ARFGAP1: variants seen among roughly 807,000 people sequenced by gnomAD.
ARFGAP1 encodes the protein ARF GTPase activating protein 1, also known as ADP-ribosylation factor GTPase-activating protein 1.
In ARFGAP1, 26 loss-of-function variants were observed where a neutral mutation model predicts 54.0. The observed-to-expected ratio is 0.48, with a 90% CI of 0.35 to 0.67. The LOEUF is 0.67. Among genes scored for constraint, ARFGAP1 ranks in the 30% least tolerant of loss-of-function variants. The pLI is 0.00. For synonymous variants in ARFGAP1, 248 were observed against 211.9 expected, an observed-to-expected ratio of 1.17 and a Z score of -1.48; for missense variants, 525 against 535.8, an observed-to-expected ratio of 0.98 and a Z score of 0.20.
At chr20:63,278,561 A>G in intron 6 of ARFGAP1, 2 of 459,928 alleles carry the variant, frequency 4.3e-6, no homozygotes, top group Non-Finnish European at 7.9e-6. Context: ...CTTAGAAGAA[A>G]AGCATAACAC....
intron 1 of ARFGAP1, among the ~76,000 whole-genome samples, chr20:63,274,692 C>T (rs367602728): frequency 2.0e-5 from 3 of 152,288 alleles, no homozygotes; most frequent in Middle Eastern, 3.4e-3. Context: ...ACAGTTTGCT[C>T]GGTGGCGTGG....
rs140093675 is a variant in ARFGAP1, at chr20:63,285,585, C to T, written c.775-69C>T. 2.5e-4 allele frequency: 388 copies of T among 1,534,202 alleles called. 2 individuals carry two copies. The African/African-American group carries it at 4.5e-3, about 18-fold the overall frequency. On this transcript the variant is annotated intron_variant, in intron 10 of 12. Transcript: ENST00000370283. ...TCGGATGCCCTCACCCGGGGGATTC[C>T]TGCACTCCTGAAGCTTTAAGCTTTC...
chr20:63,285,697 C>A lies in ARFGAP1; in HGVS notation c.818C>A (p.Ser273Tyr), dbSNP rs1416859449. 2 of 1,613,660 alleles carry A rather than the reference C, an allele frequency of 1.2e-6. No individual in the cohort carries two copies. The highest frequency in any genetic ancestry group is 1.7e-5 in the Admixed American group (1 of 60,034). ...KIFDDVSSGV[S>Y]QLASKVQGVG... is the part of the protein sequence containing the mutation. Reference sequence around the variant, plus strand: ...TTTGATGATGTCTCCAGTGGGGTCTCTCAGTTGGCGTCCAAGGTAGGGAGC... The same window carrying A: ...TTTGATGATGTCTCCAGTGGGGTCTATCAGTTGGCGTCCAAGGTAGGGAGC... Residue 273 changes from serine to tyrosine, a missense_variant, in exon 11 of 13, where the codon TCT (serine) becomes TAT (tyrosine). This residue lies in a region of ARFGAP1 where 466 missense variants were observed against 453.6 expected (regional missense o/e 1.03). Coordinates refer to ENST00000370283, the MANE Select transcript of ARFGAP1 (RefSeq NM_018209.4).
intron 5 of ARFGAP1, among the ~76,000 whole-genome samples, 189 bp from the exon 6 acceptor site, chr20:63,277,928 G>T (rs2067275587): frequency 6.6e-6 from 1 of 152,220 alleles, no homozygotes; most frequent in South Asian, 2.1e-4. Context: ...CATGAGGCTG[G>T]CATTGCTGGG....
At position 63,288,057 on chromosome 20, in the gene ARFGAP1, C is replaced by A; in HGVS notation, c.*184C>A. The A allele has an allele frequency of 1.4e-6, 1 of 712,206 alleles. No homozygotes were observed. Among genetic ancestry groups the A allele is most frequent in the Non-Finnish European group, 2.3e-6 (1 of 439,072 alleles). 44.1% of individuals were successfully genotyped at this position (712,206 alleles called of 1,614,324 possible). On this transcript the variant is annotated 3_prime_UTR_variant, in exon 13 of 13. Transcript: ENST00000370283. ...GCCTGCGCGTGGGGAGTCTTCGGTG[C>A]GTGGGGGCGGCTTGCTGTCCAGCCT...
chr20:63,281,728 T>C (rs1401905495), intron 8 of ARFGAP1, among the ~76,000 whole-genome samples: 1 of 152,188 alleles, frequency 6.6e-6, no homozygotes, highest in Non-Finnish European at 1.5e-5. Flanking sequence ...TTGAGAGCGA[T>C]TTCTCTCTTT....
At position 63,285,726 on chromosome 20, in the gene ARFGAP1, C is replaced by T. The variant is rs150308319; in HGVS notation, c.834+13C>T. On this transcript the variant is annotated intron_variant, in intron 11 of 12. Transcript: ENST00000370283. ...GTTGGCGTCCAAGGTAGGGAGCCTG[C>T]CAGATACGCGGGCACAGTCGAAGCC... 2.9e-4 allele frequency: 468 copies of T among 1,612,672 alleles called. 4 individuals are homozygous for T. In the African/African-American group the frequency reaches 4.8e-3, roughly 17 times the overall value.
intron 7 of ARFGAP1, chr20:63,279,261 A>G (rs1259712619): frequency 3.6e-6 from 2 of 550,568 alleles, no homozygotes; most frequent in South Asian, 1.6e-5. Context: ...ACTGGAGGGC[A>G]GTGGTGCGAC....
intron 6 of ARFGAP1, chr20:63,278,524 G>A: frequency 6.5e-6 from 3 of 462,388 alleles, no homozygotes. Context: ...GTGAATTGGG[G>A]GTCTTGGGTG....
Position 63,275,445 on chromosome 20 carries a change from C to G in ARFGAP1, c.-4-132C>G, listed in dbSNP as rs1190961881. ...CCCCTGCTGCGAGTGGTCCTGTGAC[C>G]GGGGCTTCCAAGCAGCTCAACAGAT... On this transcript the variant is annotated intron_variant, in intron 1 of 12. Transcript: ENST00000370283. 4 of 819,794 alleles carry G rather than the reference C, an allele frequency of 4.9e-6. No homozygotes were observed. In the East Asian group the frequency reaches 1.1e-4, roughly 22 times the overall value. The allele number at this position is 819,794 out of a possible 1,614,324, so 50.8% of individuals were successfully genotyped here.
At chr20:63,280,238 C>T (rs79810965) in intron 7 of ARFGAP1, among the ~76,000 whole-genome samples, 8,540 of 152,306 alleles carry the variant, frequency 0.056, 322 homozygotes, top group Middle Eastern at 0.11. Flanking sequence ...CGGGAGCTTG[C>T]GCTGAGAGCC....
chr20:63,279,802 T>A (rs1350285049), intron 7 of ARFGAP1, among the ~76,000 whole-genome samples: 1 of 152,174 alleles, frequency 6.6e-6, no homozygotes, highest in East Asian at 1.9e-4. Context: ...CGGGAATACA[T>A]TTTGTTCCAC....
At chr20:63,286,193 G>A in intron 11 of ARFGAP1, 173 bp from the exon 12 acceptor site, 2 of 1,549,414 alleles carry the variant, frequency 1.3e-6, no homozygotes, top group Non-Finnish European at 1.7e-6. Context: ...TGGCACCGCT[G>A]CAGAGTGGCC....
intron 8 of ARFGAP1, among the ~76,000 whole-genome samples, chr20:63,282,254 G>A (rs1438533980): frequency 6.6e-6 from 1 of 152,256 alleles, no homozygotes; most frequent in Non-Finnish European, 1.5e-5. Flanking sequence ...TCAGCTTCTG[G>A]TTCCCGCCAG....
chr20:63,278,692 C>A lies in ARFGAP1; in HGVS notation c.531-207C>A, dbSNP rs532420251. 2.6e-5 allele frequency: 15 copies of A among 573,144 alleles called. No homozygotes were observed. In the South Asian group the frequency reaches 2.8e-4, roughly 11 times the overall value. The allele number at this position is 573,144 out of a possible 1,614,324, so 35.5% of individuals were successfully genotyped here. ...GCTGGCTTTGGGGACTTGCTGGGGA[C>A]CCTGTGGTGATGTGGCAGGAGGGTC... On this transcript the variant is annotated intron_variant, in intron 6 of 12. Coordinates refer to ENST00000370283, the MANE Select transcript of ARFGAP1 (RefSeq NM_018209.4).
intron 11 of ARFGAP1, 35 bp from the exon 12 acceptor site, chr20:63,286,331 G>A: frequency 6.2e-7 from 1 of 1,609,896 alleles, no homozygotes; most frequent in South Asian, 1.1e-5. Context: ...TGCCGCGACA[G>A]GGCCTGCCTA....
At chr20:63,277,807 G>A (rs1003880392) in intron 5 of ARFGAP1, among the ~76,000 whole-genome samples, 2 of 152,224 alleles carry the variant, frequency 1.3e-5, no homozygotes, top group Admixed American at 6.5e-5. Flanking sequence ...TTTGCACTGC[G>A]GGCAACTCCG....
intron 9 of ARFGAP1, chr20:63,284,573 C>T (rs951425593): frequency 3.1e-6 from 4 of 1,287,206 alleles, no homozygotes; most frequent in African/African-American, 3.0e-5. Flanking sequence ...AGGGCCTGTT[C>T]CCACCAGCCC....
At chr20:63,283,994 C>A in intron 9 of ARFGAP1, 1 of 1,523,878 alleles carries the variant, frequency 6.6e-7, no homozygotes, top group Non-Finnish European at 8.9e-7. Flanking sequence ...CATGTGCGCA[C>A]GCTCAGACCC....
Sources: gnomAD v4.1 joint callset for allele counts (sites outside exome capture counted in the v4.1 genomes callset) on GRCh38, gnomAD v4.1.1 for gene constraint, gnomAD v4.1.1 regional missense constraint, MANE v1.5 for transcripts, NCBI Gene and HGNC (gene_info 2026-07-23, HGNC 2026-07-21) for gene names.